CPXM2: variants seen among roughly 807,000 people sequenced by gnomAD.
CPXM2 encodes the protein carboxypeptidase X, M14 family member 2, also known as inactive carboxypeptidase-like protein X2.
A neutral mutation model predicts 86.1 loss-of-function variants in CPXM2; 66 were observed. The ratio of observed to expected loss-of-function variants is 0.77; its 90% CI spans 0.63 to 0.94. The LOEUF is 0.94. Among genes scored for constraint, CPXM2 ranks in the 40% least tolerant of loss-of-function variants. CPXM2 has a pLI of 0.00. For synonymous variants in CPXM2, 388 were observed against 400.2 expected (o/e 0.97, Z 0.36); for missense variants, 948 against 1,026.3 (o/e 0.92, Z 1.04).
In CPXM2 at chr10:123,937,470, A is replaced by AACACACACACAC. The variant is rs201368456; in HGVS notation, n.174+1995_174+2006dup. ...TGTTAGAAAAACAAGACAACAAAACAACACACACACACACACACACACACA... is the reference window on the plus strand; with the variant it reads ...TGTTAGAAAAACAAGACAACAAAACAACACACACACACACACACACACACACACACACACACA... On this transcript the variant is annotated intron_variant and non_coding_transcript_variant, in intron 2 of 19. Coordinates refer to the CPXM2 transcript ENST00000368854. Among the ~76,000 whole-genome samples, 1,002 of 132,610 alleles carry AACACACACACAC rather than the reference A, an allele frequency of 7.6e-3. 5 individuals are homozygous for AACACACACACAC. The highest frequency in any genetic ancestry group is 0.01 in the Non-Finnish European group (621 of 61,694). 87.0% of individuals were successfully genotyped at this position (132,610 alleles called of 152,430 possible).
chr10:123,751,215 T>C (rs1438352392), intron 13 of CPXM2: 2 of 235,992 alleles, frequency 8.5e-6, no homozygotes, highest in East Asian at 3.6e-4. Flanking sequence ...CAGAGATGTT[T>C]GTATTTATTT....
chr10:123,836,862 A>C, intron 4 of CPXM2, among the ~76,000 whole-genome samples: 3 of 147,626 alleles, frequency 2.0e-5, no homozygotes, highest in Non-Finnish European at 3.0e-5. Context: ...CCCCCCACCA[A>C]TTTTCCCTTC....
In CPXM2 at chr10:123,838,949, C is replaced by T. The variant is rs141216998; in HGVS notation, c.653+3400G>A. Among the ~76,000 whole-genome samples, 823 of 152,298 alleles carry T rather than the reference C, an allele frequency of 5.4e-3. 8 individuals are homozygous for T. The highest frequency in any genetic ancestry group is 0.027 in the Middle Eastern group (8 of 294). ...AGGGGAGGACCAGGCAGGCGACTGTCCCCAAATCCTCAGACTCATGCAAAG... is the reference window on the plus strand; with the variant it reads ...AGGGGAGGACCAGGCAGGCGACTGTTCCCAAATCCTCAGACTCATGCAAAG... On this transcript the variant is annotated intron_variant, in intron 4 of 13. Transcript: ENST00000241305.
chr10:123,919,094 T>TA (rs1201861143), intron 2 of CPXM2, among the ~76,000 whole-genome samples: 1 of 94,428 alleles, frequency 1.1e-5, no homozygotes, highest in Non-Finnish European at 2.8e-5. Context: ...GGAACTGACA[T>TA]AAAGTAGCAT....
chr10:123,777,336 A>G (rs1002588499), intron 7 of CPXM2: 3 of 152,420 alleles, frequency 2.0e-5, no homozygotes, highest in African/African-American at 7.2e-5. Flanking sequence ...TGCCCAAACC[A>G]AAGTAGGTCA....
chr10:123,891,753 G>C lies in CPXM2; in HGVS notation c.-94C>G. 1.1e-6 allele frequency: 1 copy of C among 938,336 alleles called. No individual in the cohort carries two copies. 58.1% of individuals were successfully genotyped at this position (938,336 alleles called of 1,614,324 possible). ...AAGCTGGCGCGGGGCAAGGGCGCAG[G>C]GCACAGCAGAGCGGCGCGCTTGGGC... On this transcript the variant is annotated 5_prime_UTR_variant, in exon 1 of 14. Coordinates refer to ENST00000241305, the MANE Select transcript of CPXM2 (RefSeq NM_198148.3). This position sits in a 1 kb window ranked among gnomAD's most constrained non-coding sequence, Gnocchi z 5.6.
At chr10:123,833,955 T>G (rs1300840599) in intron 4 of CPXM2, among the ~76,000 whole-genome samples, 1 of 152,210 alleles carries the variant, frequency 6.6e-6, no homozygotes, top group South Asian at 2.1e-4. Context: ...CAATCTTAAC[T>G]GCTTGATGTG....
chr10:123,910,420 C>T (rs181541318), intron 2 of CPXM2, among the ~76,000 whole-genome samples: 28 of 152,260 alleles, frequency 1.8e-4, no homozygotes, highest in Admixed American at 3.9e-4. Context: ...AACCTAGTAT[C>T]ACTCCCCCAC....
Position 123,879,440 on chromosome 10 carries a change from C to A in CPXM2, c.403+771G>T, listed in dbSNP as rs949145632. 5.3e-5 allele frequency among the ~76,000 whole-genome samples: 8 copies of A among 152,166 alleles called. No individual in the cohort carries two copies. In the South Asian group the frequency reaches 1.0e-3, roughly 20 times the overall value. On this transcript the variant is annotated intron_variant, in intron 2 of 13. Coordinates refer to ENST00000241305, the MANE Select transcript of CPXM2 (RefSeq NM_198148.3). Reference sequence around the variant, plus strand: ...ACCCTTGGTAAACTATGCACATTCCCATGTCTCATTTTCCTCATCTGTAAA... The same window carrying A: ...ACCCTTGGTAAACTATGCACATTCCAATGTCTCATTTTCCTCATCTGTAAA...
intron 2 of CPXM2, among the ~76,000 whole-genome samples, chr10:123,922,878 G>A (rs1010821767): frequency 6.6e-6 from 1 of 152,166 alleles, no homozygotes; most frequent in Middle Eastern, 3.2e-3. Flanking sequence ...TTCACACGAG[G>A]CCAACGTATC....
intron 3 of CPXM2, among the ~76,000 whole-genome samples, chr10:123,857,947 T>G (rs17680163): frequency 6.8e-6 from 1 of 148,100 alleles, no homozygotes; most frequent in Non-Finnish European, 1.5e-5. Context: ...TTCATAGACT[T>G]TACACTCACC....
intron 3 of CPXM2, among the ~76,000 whole-genome samples, chr10:123,844,217 A>G (rs1242962124): frequency 6.6e-6 from 1 of 152,134 alleles, no homozygotes; most frequent in Admixed American, 6.5e-5. Context: ...TGCCTCCGAG[A>G]AACCACGAGA....
chr10:123,748,764 C>G (rs1004896529), intron 13 of CPXM2, among the ~76,000 whole-genome samples: 1 of 152,058 alleles, frequency 6.6e-6, no homozygotes, highest in Non-Finnish European at 1.5e-5. Context: ...TCAGGTGACT[C>G]GAGCCTCGCA....
At chr10:123,776,376 T>C (rs1846788533) in intron 7 of CPXM2, among the ~76,000 whole-genome samples, 1 of 152,232 alleles carries the variant, frequency 6.6e-6, no homozygotes, top group Admixed American at 6.5e-5. Flanking sequence ...CTTTGCATCC[T>C]AGTGTCTACT....
At chr10:123,751,506 A>G in intron 13 of CPXM2, 1 of 985,244 alleles carries the variant, frequency 1.0e-6, no homozygotes, top group Non-Finnish European at 1.2e-6. Context: ...CGTGGGCAGA[A>G]GGGGCAACTC....
At chr10:123,805,019 A>T (rs1453281299) in intron 4 of CPXM2, among the ~76,000 whole-genome samples, 1 of 152,032 alleles carries the variant, frequency 6.6e-6, no homozygotes, top group Non-Finnish European at 1.5e-5. Context: ...TTACACATTC[A>T]TTTTACATAC....
intron 6 of CPXM2, among the ~76,000 whole-genome samples, chr10:123,795,493 G>A (rs188781222): frequency 3.9e-5 from 6 of 152,186 alleles, no homozygotes; most frequent in East Asian, 1.9e-4. Flanking sequence ...GTGCAGACTC[G>A]GAGAGGCTAC....
chr10:123,931,709 T>C (rs1230817284), intron 2 of CPXM2: 2 of 152,252 alleles, frequency 1.3e-5, no homozygotes, highest in African/African-American at 4.8e-5. Flanking sequence ...CTACACTCAT[T>C]TTAAATGAAT....
intron 7 of CPXM2, among the ~76,000 whole-genome samples, chr10:123,771,751 T>C (rs1021406488): frequency 1.4e-4 from 22 of 152,268 alleles, no homozygotes; most frequent in Middle Eastern, 3.4e-3. Context: ...TGGGAGGTAA[T>C]TGAATCATGG....
Sources: allele counts gnomAD v4.1 joint callset (sites outside exome capture counted in the v4.1 genomes callset), GRCh38; gene constraint gnomAD v4.1.1; non-coding constraint Gnocchi (gnomAD v3.1); transcripts MANE v1.5; gene names NCBI Gene and HGNC (gene_info 2026-07-23, HGNC 2026-07-21).